Variants in PIK3CA observed in about 807,000 individuals in gnomAD.
PIK3CA encodes phosphatidylinositol 4,5-bisphosphate 3-kinase catalytic subunit alpha isoform.
In PIK3CA, 27 loss-of-function variants were observed where a neutral mutation model predicts 138.2. That is an observed-to-expected ratio of 0.20 (90% CI 0.14 to 0.27). PIK3CA has a LOEUF of 0.27. PIK3CA is among the 10% of genes least tolerant of loss of function. The probability of loss-of-function intolerance (pLI) is 1.00; values close to 1 mark genes in which losing one functional copy is unlikely to be tolerated. For missense variants in PIK3CA, 544 were observed against 1,277.4 expected, an observed-to-expected ratio of 0.43 and a Z score of 8.75; for synonymous variants, 358 against 413.2, an observed-to-expected ratio of 0.87 and a Z score of 1.62.
In PIK3CA at chr3:179,237,016, T is replaced by A; in HGVS notation, c.*2652T>A. Reference sequence around the variant, plus strand: ...TTTATTGGGCCACTTAAGAAATATTTCCTTGAATAATTATTTTGAGAAAAA... The same window carrying A: ...TTTATTGGGCCACTTAAGAAATATTACCTTGAATAATTATTTTGAGAAAAA... On this transcript the variant is annotated 3_prime_UTR_variant, in exon 21 of 21. Coordinates refer to ENST00000263967, the MANE Select transcript of PIK3CA (RefSeq NM_006218.4). 5.1e-6 allele frequency: 1 copy of A among 195,776 alleles called. No homozygotes were observed. Among genetic ancestry groups the A allele is most frequent in the Non-Finnish European group, 1.1e-5 (1 of 94,306 alleles). 12.1% of individuals were successfully genotyped at this position (195,776 alleles called of 1,614,324 possible). A position where few individuals can be genotyped will look rare whatever the true frequency, so the allele number is the denominator to read the frequency against.
chr3:179,166,704 A>G (rs1176938429), intron 1 of PIK3CA, among the ~76,000 whole-genome samples: 1 of 152,202 alleles, frequency 6.6e-6, no homozygotes, highest in African/African-American at 2.4e-5. Flanking sequence ...AGGCAAACAG[A>G]TATATGTGTG....
chr3:179,157,317 A>G (rs1723162313), intron 1 of PIK3CA, among the ~76,000 whole-genome samples: 1 of 152,152 alleles, frequency 6.6e-6, no homozygotes, highest in South Asian at 2.1e-4. Flanking sequence ...TCTTTTTTCT[A>G]ACTATATACC....
At chr3:179,209,795 A>G in intron 7 of PIK3CA, 95 bp downstream of exon 7, 1 of 570,160 alleles carries the variant, frequency 1.8e-6, no homozygotes, top group Non-Finnish European at 3.0e-6. Context: ...GTTATTTTAT[A>G]TTTAAGAAAA....
chr3:179,184,594 T>G (rs1410574255), intron 1 of PIK3CA, among the ~76,000 whole-genome samples: 1 of 152,200 alleles, frequency 6.6e-6, no homozygotes, highest in Admixed American at 6.5e-5. Context: ...AAAAAGACCT[T>G]CTGTGAAACA....
intron 2 of PIK3CA, 124 bp downstream of exon 2, chr3:179,199,301 A>G (rs1724348266): frequency 1.9e-6 from 1 of 536,076 alleles, no homozygotes; most frequent in East Asian, 3.1e-5. Flanking sequence ...AATAAAAATC[A>G]TAAATCTAAA....
intron 6 of PIK3CA, among the ~76,000 whole-genome samples, chr3:179,209,332 C>T (rs929334394): frequency 1.3e-5 from 2 of 152,092 alleles, no homozygotes; most frequent in African/African-American, 2.4e-5. Context: ...CCCTTGGCAT[C>T]ATCAGTCTTT....
At chr3:179,229,225 T>C in intron 17 of PIK3CA, 47 bp from the exon 18 acceptor site, 1 of 1,481,778 alleles carries the variant, frequency 6.7e-7, no homozygotes, top group East Asian at 2.3e-5. Flanking sequence ...ACATTTGCTA[T>C]TTTAAAATTC....
At chr3:179,174,347 TGTAATCCCAGCTCTC>T (rs1723642278) in intron 1 of PIK3CA, among the ~76,000 whole-genome samples, 2 of 88,666 alleles carry the variant, frequency 2.3e-5, no homozygotes, top group African/African-American at 1.4e-4. Context: ...GGCAAGCACC[TGTAATCCCAGCTCTC>T]GGGAGGCTAA....
At chr3:179,164,639 G>A (rs1163733526) in intron 1 of PIK3CA, among the ~76,000 whole-genome samples, 6 of 152,072 alleles carry the variant, frequency 3.9e-5, no homozygotes, top group African/African-American at 7.2e-5. Context: ...AGGCCAAGGC[G>A]GGTGGATAAC....
intron 1 of PIK3CA, among the ~76,000 whole-genome samples, chr3:179,161,326 A>C (rs1033451720): frequency 1.4e-4 from 21 of 152,222 alleles, no homozygotes; most frequent in African/African-American, 5.1e-4. Flanking sequence ...TTATAAAGTA[A>C]ATTCTGCCTA....
At chr3:179,192,208 G>C (rs1724153463) in intron 1 of PIK3CA, among the ~76,000 whole-genome samples, 1 of 152,106 alleles carries the variant, frequency 6.6e-6, no homozygotes, top group Non-Finnish European at 1.5e-5. Context: ...AAAATGAGAT[G>C]GTAAACTATC....
At chr3:179,210,680 A>G in intron 9 of PIK3CA, 115 bp downstream of exon 9, 1 of 959,920 alleles carries the variant, frequency 1.0e-6, no homozygotes, top group Non-Finnish European at 1.6e-6. Context: ...TATGAACTCT[A>G]GGACCAATAT....
chr3:179,167,522 A>G (rs1397047872), intron 1 of PIK3CA, among the ~76,000 whole-genome samples: 1 of 152,150 alleles, frequency 6.6e-6, no homozygotes, highest in South Asian at 2.1e-4. Flanking sequence ...AAAATGTTAT[A>G]TATAATTACT....
chr3:179,183,180 A>G (rs905722878), intron 1 of PIK3CA, among the ~76,000 whole-genome samples: 2 of 152,228 alleles, frequency 1.3e-5, no homozygotes. Flanking sequence ...ATTGCTTGCA[A>G]TGGACATTTT....
intron 1 of PIK3CA, among the ~76,000 whole-genome samples, chr3:179,154,820 T>G (rs1560121030): frequency 6.6e-6 from 1 of 152,218 alleles, no homozygotes; most frequent in Non-Finnish European, 1.5e-5. Flanking sequence ...CAAGCATCAC[T>G]TTGGTAGTTA....
Position 179,234,349 on chromosome 3 carries a change from G to A in PIK3CA, c.3192G>A (p.Gln1064=), listed in dbSNP as rs2108430107. Residue 1064 remains glutamine (Q), a synonymous_variant, in exon 21 of 21, where the codon CAG becomes CAA. Transcript: ENST00000263967. The surrounding 1 kb of genome is among the most constrained non-coding windows in gnomAD (Gnocchi z 5.1). ...ATTGGATCTTCCACACAATTAAACAGCATGCATTGAACTGAAAAGATAACT... is the reference window on the plus strand; with the variant it reads ...ATTGGATCTTCCACACAATTAAACAACATGCATTGAACTGAAAAGATAACT... The part of the protein sequence containing the change: ...KMDWIFHTIK[Q]HALN 1 of 1,609,344 alleles carries A rather than the reference G, an allele frequency of 6.2e-7. No individual in the cohort carries two copies. The highest frequency in any genetic ancestry group is 8.5e-7 in the Non-Finnish European group (1 of 1,176,614).
In PIK3CA at chr3:179,225,958, T is replaced by G. The variant is rs1060503815; in HGVS notation, c.2417-4T>G. On this transcript the variant is annotated splice_polypyrimidine_tract_variant and splice_region_variant and intron_variant, in intron 16 of 20. Coordinates refer to ENST00000263967, the MANE Select transcript of PIK3CA (RefSeq NM_006218.4). ...AATGGTGATACATATTATTTGAATT[T>G]CAGATTTACGGCAAGATATGCTAAC... 4 of 1,507,854 alleles carry G rather than the reference T, an allele frequency of 2.7e-6. No homozygotes were observed. The highest frequency in any genetic ancestry group is 2.8e-6 in the Non-Finnish European group (3 of 1,087,258). The allele number at this position is 1,507,854 out of a possible 1,614,324, so 93.4% of individuals were successfully genotyped here. A position where few individuals can be genotyped will look rare whatever the true frequency, so the allele number is the denominator to read the frequency against.
chr3:179,181,739 G>A (rs1723851268), intron 1 of PIK3CA, among the ~76,000 whole-genome samples: 1 of 151,938 alleles, frequency 6.6e-6, no homozygotes. Context: ...CTAAATCATA[G>A]TCACATACAC....
At chr3:179,200,082 T>A (rs2108388304) in intron 3 of PIK3CA, among the ~76,000 whole-genome samples, 183 bp downstream of exon 3, 1 of 152,162 alleles carries the variant, frequency 6.6e-6, no homozygotes, top group South Asian at 2.1e-4. Context: ...TCAATATTTA[T>A]TGGTTGAATT....
Sources: gnomAD v4.1 joint callset for allele counts (sites outside exome capture counted in the v4.1 genomes callset) on GRCh38, gnomAD v4.1.1 for gene constraint, Gnocchi (gnomAD v3.1) non-coding constraint, MANE v1.5 for transcripts, NCBI Gene and HGNC (gene_info 2026-07-23, HGNC 2026-07-21) for gene names.